PDIA4: variants seen among roughly 807,000 people sequenced by gnomAD.
The protein encoded by PDIA4 is protein disulfide isomerase family A member 4, also known as protein disulfide-isomerase A4.
A neutral mutation model predicts 62.1 loss-of-function variants in PDIA4; 33 were observed. The observed-to-expected ratio is 0.53, with a 90% CI of 0.40 to 0.71. The LOEUF (loss-of-function observed/expected upper bound fraction) is 0.71, where lower values mean the gene tolerates loss of function less well. Ranked by LOEUF, PDIA4 falls within the 30% of genes least tolerant of loss-of-function variation. The pLI is 0.00. For synonymous variants in PDIA4, 341 were observed against 324.1 expected, an observed-to-expected ratio of 1.05 and a Z score of -0.56; for missense variants, 804 against 813.6, an observed-to-expected ratio of 0.99 and a Z score of 0.14.
chr7:149,027,159 G>A (rs1824586579), intron 1 of PDIA4, among the ~76,000 whole-genome samples: 1 of 152,174 alleles, frequency 6.6e-6, no homozygotes, highest in Non-Finnish European at 1.5e-5. Flanking sequence ...GCAGATTCCG[G>A]GGCCCACCCC....
chr7:149,015,929 C>A lies in PDIA4; in HGVS notation c.476-887G>T, dbSNP rs144835033. On this transcript the variant is annotated intron_variant, in intron 3 of 9. Transcript: ENST00000652332. The stretch of plus-strand genomic sequence containing the variant: ...ACTGCTCTAAAGTTTGCAAAACAGC[C>A]AAGTCTCTTGCAGTCAAATGTTGGC... 2.6e-3 allele frequency among the ~76,000 whole-genome samples: 397 copies of A among 152,346 alleles called. 2 individuals carry two copies. The highest frequency in any genetic ancestry group is 8.8e-3 in the African/African-American group (366 of 41,574).
chr7:149,003,626 G>T lies in PDIA4; in HGVS notation c.*168C>A. ...GGACTAAACTATTCAGTCATTCATGGTTATTCAGTATTCAGAGCATGAAGT... is the reference window on the plus strand; with the variant it reads ...GGACTAAACTATTCAGTCATTCATGTTTATTCAGTATTCAGAGCATGAAGT... On this transcript the variant is annotated 3_prime_UTR_variant, in exon 10 of 10. Coordinates refer to ENST00000652332, the MANE Select transcript of PDIA4 (RefSeq NM_004911.5). The T allele has an allele frequency of 4.4e-6, 2 of 455,812 alleles. No homozygotes were observed. Among genetic ancestry groups the T allele is most frequent in the Non-Finnish European group, 7.6e-6 (2 of 262,740 alleles). 28.2% of individuals were successfully genotyped at this position (455,812 alleles called of 1,614,324 possible).
chr7:149,020,994 G>T lies in PDIA4; in HGVS notation c.242C>A (p.Thr81Lys). Residue 81 changes from threonine to lysine, a missense_variant, in exon 2 of 10, where the codon ACA (threonine) becomes AAA (lysine). Transcript: ENST00000652332. Reference sequence around the variant, plus strand: ...TGGAGCATAAAACTCCAGCAGCACTGTGTCTTTGTCAGCCACAAAATTATC... The same window carrying T: ...TGGAGCATAAAACTCCAGCAGCACTTTGTCTTTGTCAGCCACAAAATTATC... ...NFDNFVADKDTVLLEFYAPWC... is the reference protein window; with the variant it reads ...NFDNFVADKDKVLLEFYAPWC... 5.6e-6 allele frequency: 9 copies of T among 1,614,130 alleles called. No homozygotes were observed. Among genetic ancestry groups the T allele is most frequent in the Non-Finnish European group, 7.6e-6 (9 of 1,180,002 alleles).
chr7:149,015,955 C>T (rs1824123315), intron 3 of PDIA4, among the ~76,000 whole-genome samples: 1 of 152,208 alleles, frequency 6.6e-6, no homozygotes, highest in Non-Finnish European at 1.5e-5. Context: ...AAATGTTGGC[C>T]ACAGACCTCC....
At chr7:149,015,319 T>C (rs1238063446) in intron 3 of PDIA4, among the ~76,000 whole-genome samples, 1 of 152,098 alleles carries the variant, frequency 6.6e-6, no homozygotes, top group Non-Finnish European at 1.5e-5. Context: ...AGACTTCCTT[T>C]ACCATCAGGC....
At chr7:149,004,734 G>T (rs1209086286) in intron 9 of PDIA4, among the ~76,000 whole-genome samples, 1 of 152,200 alleles carries the variant, frequency 6.6e-6, no homozygotes, top group Non-Finnish European at 1.5e-5. Flanking sequence ...CCCTGTCTGG[G>T]CTCCATCTTC....
intron 1 of PDIA4, among the ~76,000 whole-genome samples, chr7:149,022,355 G>A (rs140661462): frequency 6.6e-6 from 1 of 152,134 alleles, no homozygotes; most frequent in Non-Finnish European, 1.5e-5. Flanking sequence ...TTCCTAGAAT[G>A]TGAGAAATTG....
Position 149,007,297 on chromosome 7 carries a change from C to T in PDIA4, c.1131+862G>A, listed in dbSNP as rs771080524. Among the ~76,000 whole-genome samples, 208 of 152,262 alleles carry T rather than the reference C, an allele frequency of 1.4e-3. 2 individuals are homozygous for T. The highest frequency in any genetic ancestry group is 0.01 in the Middle Eastern group (3 of 294). On this transcript the variant is annotated intron_variant, in intron 7 of 9. Coordinates refer to ENST00000652332, the MANE Select transcript of PDIA4 (RefSeq NM_004911.5). ...TGTTCTGGTGCAGGCCCCCGGGATTCCTGTCCTGTCACACCCCCTGCTCCA... is the reference window on the plus strand; with the variant it reads ...TGTTCTGGTGCAGGCCCCCGGGATTTCTGTCCTGTCACACCCCCTGCTCCA...
Position 149,006,036 on chromosome 7 carries a change from C to T in PDIA4, c.1149G>A (p.Ser383=), listed in dbSNP as rs748103984. ...ACTTCAGCACGAAGTCCTTGATGGCCGAGTCCTGGGTGGAGCCCTGCTTCA... is the reference window on the plus strand; with the variant it reads ...ACTTCAGCACGAAGTCCTTGATGGCTGAGTCCTGGGTGGAGCCCTGCTTCA... The part of the protein sequence containing the change: ...MMDVQGSTQD[S]AIKDFVLKYA... The change falls in exon 8 of 10, where the codon TCG becomes TCA. Residue 383 remains serine, a synonymous_variant. Coordinates refer to ENST00000652332, the MANE Select transcript of PDIA4 (RefSeq NM_004911.5). 1.1e-4 allele frequency: 165 copies of T among 1,564,752 alleles called. No homozygotes were observed. The highest frequency in any genetic ancestry group is 1.3e-4 in the Non-Finnish European group (152 of 1,161,866).
Position 149,019,038 on chromosome 7 carries a change from A to G in PDIA4, c.429T>C (p.Leu143=), listed in dbSNP as rs1241589966. The G allele has an allele frequency of 6.2e-7, 1 of 1,613,452 alleles. No individual in the cohort carries two copies. The highest frequency in any genetic ancestry group is 1.7e-5 in the Admixed American group (1 of 59,960). The part of the protein sequence containing the change: ...DVSGYPTIKI[L]KKGQAVDYEG... The stretch of plus-strand genomic sequence containing the variant: ...CGTAGTCTACAGCCTGCCCCTTCTT[A>G]AGGATCTTGATGGTGGGGTAGCCAC... The change falls in exon 3 of 10, where the codon CTT becomes CTC. Residue 143 remains leucine (L), a synonymous_variant. Coordinates refer to ENST00000652332, the MANE Select transcript of PDIA4 (RefSeq NM_004911.5).
chr7:149,016,886 G>A (rs1039108131), intron 3 of PDIA4, among the ~76,000 whole-genome samples: 6 of 152,138 alleles, frequency 3.9e-5, no homozygotes, highest in Non-Finnish European at 8.8e-5. Flanking sequence ...CTACCTCTCT[G>A]AATTACCAAG....
Position 149,019,205 on chromosome 7 carries a change from T to C in PDIA4, c.270-8A>G. 6.2e-7 allele frequency: 1 copy of C among 1,600,442 alleles called. No homozygotes were observed. The highest frequency in any genetic ancestry group is 8.6e-7 in the Non-Finnish European group (1 of 1,167,656). On this transcript the variant is annotated splice_region_variant and splice_polypyrimidine_tract_variant and intron_variant, in intron 2 of 9. Transcript: ENST00000652332. Reference sequence around the variant, plus strand: ...TGCTTGCAATGTCCACACCTAACAATTAGATTAGGAAGGGCAAAAAACGTT... The same window carrying C: ...TGCTTGCAATGTCCACACCTAACAACTAGATTAGGAAGGGCAAAAAACGTT...
intron 4 of PDIA4, 33 bp from the exon 5 acceptor site, chr7:149,012,393 A>G: frequency 6.4e-7 from 1 of 1,572,304 alleles, no homozygotes; most frequent in South Asian, 1.1e-5. Flanking sequence ...TCAGGGGCTC[A>G]TTCTAGTGTG....
At chr7:149,028,079 TC>T (rs1345467102) in intron 1 of PDIA4, 2 of 624,046 alleles carry the variant, frequency 3.2e-6, no homozygotes, top group Non-Finnish European at 5.9e-6. Flanking sequence ...TTCCAGGGCG[TC>T]GGAGCCCAAG....
chr7:149,025,085 A>AAAATATATATATATATAT (rs1554446854), intron 1 of PDIA4, among the ~76,000 whole-genome samples: 1 of 22,336 alleles, frequency 4.5e-5, no homozygotes, highest in African/African-American at 6.1e-5. Flanking sequence ...AAAAAAAAAA[A>AAAATATATATATATATAT]ATATATATAT....
chr7:149,008,046 G>C, intron 7 of PDIA4, 113 bp downstream of exon 7: 1 of 1,016,340 alleles, frequency 9.8e-7, no homozygotes, highest in Non-Finnish European at 1.4e-6. Flanking sequence ...AGGAGTTCCA[G>C]ACCCTGCAGA....
At chr7:149,008,592 A>C (rs1195182205) in intron 6 of PDIA4, among the ~76,000 whole-genome samples, 1 of 152,086 alleles carries the variant, frequency 6.6e-6, no homozygotes, top group Non-Finnish European at 1.5e-5. Flanking sequence ...AGTCCCAACT[A>C]CTTGGGAGGC....
At chr7:149,021,977 TGCC>T (rs1824370315) in intron 1 of PDIA4, among the ~76,000 whole-genome samples, 2 of 152,186 alleles carry the variant, frequency 1.3e-5, no homozygotes, top group Non-Finnish European at 2.9e-5. Context: ...CTCACTGATG[TGCC>T]GCCTCCTCCT....
intron 7 of PDIA4, among the ~76,000 whole-genome samples, chr7:149,007,884 G>A (rs957528491): frequency 1.3e-5 from 2 of 152,252 alleles, no homozygotes; most frequent in Non-Finnish European, 2.9e-5. Flanking sequence ...AGGGACAAAG[G>A]GTGGCAGCAA....
Sources: allele counts gnomAD v4.1 joint callset (sites outside exome capture counted in the v4.1 genomes callset), GRCh38; gene constraint gnomAD v4.1.1; transcripts MANE v1.5; gene names NCBI Gene and HGNC (gene_info 2026-07-23, HGNC 2026-07-21).